The following CLDN18 variants were observed in gnomAD, a reference collection of about 807,000 sequenced individuals.
The protein encoded by CLDN18 is claudin-18.
A neutral mutation model predicts 25.0 loss-of-function variants in CLDN18; 20 were observed. The observed-to-expected ratio is 0.80, with a 90% CI of 0.56 to 1.16. The LOEUF (loss-of-function observed/expected upper bound fraction) is 1.16, where lower values mean the gene tolerates loss of function less well. CLDN18 is among the 50% of genes most tolerant of loss of function. The pLI, the probability that CLDN18 is intolerant of heterozygous loss-of-function variation, is 0.00. For synonymous variants in CLDN18, 125 were observed against 135.6 expected (o/e 0.92, Z 0.54); for missense variants, 297 against 345.4 (o/e 0.86, Z 1.11).
chr3:137,999,434 G>A (rs1941992072), intron 1 of CLDN18, among the ~76,000 whole-genome samples: 1 of 152,158 alleles, frequency 6.6e-6, no homozygotes, highest in South Asian at 2.1e-4. Context: ...TGTTCCTTCG[G>A]CCCCGGGATT....
chr3:138,026,367 G>T (rs1942327086), intron 3 of CLDN18, among the ~76,000 whole-genome samples: 1 of 152,190 alleles, frequency 6.6e-6, no homozygotes. Flanking sequence ...GAAGGGTTAG[G>T]CTGGGCGCGG....
chr3:138,031,223 T>G lies in CLDN18; in HGVS notation c.*82T>G. The G allele has an allele frequency of 7.6e-7, 1 of 1,309,922 alleles. No individual in the cohort carries two copies. The highest frequency in any genetic ancestry group is 1.0e-6 in the Non-Finnish European group (1 of 961,688). 81.1% of individuals were successfully genotyped at this position (1,309,922 alleles called of 1,614,324 possible). ...ACAAGGAGATCCCATCTAGATTTCTTCTTGCTTTTGACTCACAGCTGGAAG... is the reference window on the plus strand; with the variant it reads ...ACAAGGAGATCCCATCTAGATTTCTGCTTGCTTTTGACTCACAGCTGGAAG... On this transcript the variant is annotated 3_prime_UTR_variant, in exon 5 of 5. Coordinates refer to ENST00000183605, the MANE Select transcript of CLDN18 (RefSeq NM_016369.4).
chr3:138,024,739 T>G lies in CLDN18; in HGVS notation c.503+15T>G. 1 of 1,367,252 alleles carries G rather than the reference T, an allele frequency of 7.3e-7. No homozygotes were observed. The highest frequency in any genetic ancestry group is 1.0e-6 in the Non-Finnish European group (1 of 957,812). 84.7% of individuals were successfully genotyped at this position (1,367,252 alleles called of 1,614,324 possible). ...GTTCAGACCAGGTAACCTCCTAATC[T>G]AGGTCTCGGCATTCACCATGATGAA... On this transcript the variant is annotated intron_variant, in intron 3 of 4. Coordinates refer to ENST00000183605, the MANE Select transcript of CLDN18 (RefSeq NM_016369.4).
chr3:138,030,573 C>T (rs148236232), intron 4 of CLDN18, among the ~76,000 whole-genome samples: 93 of 152,254 alleles, frequency 6.1e-4, no homozygotes, highest in Admixed American at 2.0e-3. Flanking sequence ...ATTCTATGAT[C>T]CTTTGACGTA....
At position 138,026,532 on chromosome 3, in the gene CLDN18, C is replaced by G. The variant is rs182592174; in HGVS notation, c.503+1808C>G. ...TGGTGGCAGGCGCCTGTAGTCCCAG[C>G]TACTTGGGAGACTGAGGCAGGAGAA... On this transcript the variant is annotated intron_variant, in intron 3 of 4. Transcript: ENST00000183605. 2.2e-4 allele frequency among the ~76,000 whole-genome samples: 33 copies of G among 152,222 alleles called. No individual in the cohort carries two copies. The East Asian group carries it at 6.0e-3, about 28-fold the overall frequency.
At position 138,033,098 on chromosome 3, in the gene CLDN18, A is replaced by G. The variant is rs1043785731; in HGVS notation, c.*1957A>G. 9 of 152,256 alleles carry G rather than the reference A, an allele frequency of 5.9e-5. No homozygotes were observed. Among genetic ancestry groups the G allele is most frequent in the East Asian group, 3.8e-4 (2 of 5,202 alleles). 9.4% of individuals were successfully genotyped at this position (152,256 alleles called of 1,614,324 possible). A position where few individuals can be genotyped will look rare whatever the true frequency, so the allele number is the denominator to read the frequency against. ...CCTCCAAGGGGATTGGTGAATACTC[A>G]TAAGGATCTTCAGGCTGAACAGACT... On this transcript the variant is annotated 3_prime_UTR_variant, in exon 5 of 5. Coordinates refer to ENST00000183605, the MANE Select transcript of CLDN18 (RefSeq NM_016369.4).
intron 1 of CLDN18, among the ~76,000 whole-genome samples, chr3:138,017,881 G>C (rs1942225413): frequency 6.6e-6 from 1 of 152,226 alleles, no homozygotes; most frequent in Non-Finnish European, 1.5e-5. Flanking sequence ...CACAGCTCAA[G>C]AGAACCTGCA....
chr3:138,011,636 G>A (rs1438022770), intron 1 of CLDN18, among the ~76,000 whole-genome samples: 1 of 152,118 alleles, frequency 6.6e-6, no homozygotes, highest in Non-Finnish European at 1.5e-5. Context: ...ATGCCACACA[G>A]AGTGTTGAGT....
intron 3 of CLDN18, 50 bp from the exon 4 acceptor site, chr3:138,029,747 G>A: frequency 8.7e-7 from 1 of 1,145,746 alleles, no homozygotes; most frequent in South Asian, 1.6e-5. Flanking sequence ...AGTGGGTGGA[G>A]CCTGGAGAGT....
At chr3:138,018,314 A>G (rs1025612672) in intron 1 of CLDN18, among the ~76,000 whole-genome samples, 3 of 151,154 alleles carry the variant, frequency 2.0e-5, no homozygotes, top group Admixed American at 6.6e-5. Context: ...GGCAAAAGAG[A>G]CAAACAGGCT....
intron 1 of CLDN18, among the ~76,000 whole-genome samples, chr3:138,019,289 T>G (rs919532158): frequency 1.2e-4 from 18 of 152,210 alleles, no homozygotes; most frequent in African/African-American, 4.1e-4. Context: ...CTGTGTCGAT[T>G]CCCTGGAATC....
At chr3:137,999,987 AG>A (rs1185686813) in intron 1 of CLDN18, among the ~76,000 whole-genome samples, 1 of 152,282 alleles carries the variant, frequency 6.6e-6, no homozygotes, top group African/African-American at 2.4e-5. Flanking sequence ...CATTGATCTA[AG>A]GGGGGCAATG....
upstream of CLDN18, chr3:138,010,161 C>A: frequency 1.8e-5 from 28 of 1,572,752 alleles, no homozygotes; most frequent in Non-Finnish European, 2.3e-5. Context: ...AGCGCGTTAG[C>A]TTCACACCTT....
intron 1 of CLDN18, among the ~76,000 whole-genome samples, chr3:138,013,228 G>A (rs1303097410): frequency 6.6e-6 from 1 of 152,130 alleles, no homozygotes; most frequent in African/African-American, 2.4e-5. Flanking sequence ...TCCATATATA[G>A]AAAAGGACCT....
At chr3:138,013,649 GTC>G (rs1942167640) in intron 1 of CLDN18, among the ~76,000 whole-genome samples, 1 of 152,240 alleles carries the variant, frequency 6.6e-6, no homozygotes, top group Non-Finnish European at 1.5e-5. Context: ...AGCACCTACT[GTC>G]TCTACCACAG....
chr3:138,008,978 T>C (rs1055190523), upstream of CLDN18, among the ~76,000 whole-genome samples: 1 of 152,174 alleles, frequency 6.6e-6, no homozygotes, highest in Non-Finnish European at 1.5e-5. Flanking sequence ...CTGGCCCCCA[T>C]ATCCGTCAAC....
chr3:138,005,401 C>A (rs914900981), upstream of CLDN18, among the ~76,000 whole-genome samples: 13 of 152,174 alleles, frequency 8.5e-5, no homozygotes, highest in Admixed American at 1.3e-4. Flanking sequence ...ACCCACCCCC[C>A]TAACAGGCCC....
chr3:138,005,769 TCA>T (rs1942062238), upstream of CLDN18, among the ~76,000 whole-genome samples: 1 of 152,206 alleles, frequency 6.6e-6, no homozygotes, highest in Non-Finnish European at 1.5e-5. Flanking sequence ...TTTTAAAACT[TCA>T]CAGTTTTTGA....
chr3:138,027,182 A>G (rs1352867143), intron 3 of CLDN18, among the ~76,000 whole-genome samples: 2 of 152,196 alleles, frequency 1.3e-5, no homozygotes, highest in Non-Finnish European at 2.9e-5. Context: ...TCATTCTCAT[A>G]TGACCTCCAT....
Sources: allele counts gnomAD v4.1 joint callset (sites outside exome capture counted in the v4.1 genomes callset), GRCh38; gene constraint gnomAD v4.1.1; transcripts MANE v1.5; gene names NCBI Gene and HGNC (gene_info 2026-07-23, HGNC 2026-07-21).